TBC1D30: variants seen among roughly 807,000 people sequenced by gnomAD.
The protein encoded by TBC1D30 is TBC1 domain family, member 30.
TBC1D30 carries 31 observed loss-of-function variants against 63.2 expected under a neutral mutation model. That is an observed-to-expected ratio of 0.49 (90% CI 0.37 to 0.66). The LOEUF is 0.66. Among genes scored for constraint, TBC1D30 ranks in the 30% least tolerant of loss-of-function variants. The pLI, the probability that TBC1D30 is intolerant of heterozygous loss-of-function variation, is 0.00. For missense variants in TBC1D30, 810 were observed against 953.6 expected (o/e 0.85, Z 1.98); for synonymous variants, 307 against 361.5 (o/e 0.85, Z 1.71).
At chr12:64,781,149 G>A in exon 1 of TBC1D30, 1 of 1,016,262 alleles carries the variant, frequency 9.8e-7, no homozygotes, top group Non-Finnish European at 1.2e-6. Flanking sequence ...CGCCGCGACA[G>A]CCTCGACAGC....
intron 2 of TBC1D30, among the ~76,000 whole-genome samples, chr12:64,813,734 T>C (rs1452719984): frequency 6.6e-6 from 1 of 152,220 alleles, no homozygotes; most frequent in Non-Finnish European, 1.5e-5. Context: ...CATTTGTAAA[T>C]ACATCTGCTA....
chr12:64,781,224 TGCTGCAGGA>T (rs764172043), exon 1 of TBC1D30: 7 of 1,132,874 alleles, frequency 6.2e-6, no homozygotes, highest in African/African-American at 5.1e-5. Context: ...GACTCCCGCG[TGCTGCAGGA>T]GCTGCAGGAG....
At chr12:64,793,184 TA>T in intron 2 of TBC1D30, among the ~76,000 whole-genome samples, 1 of 151,438 alleles carries the variant, frequency 6.6e-6, no homozygotes, top group South Asian at 2.1e-4. Flanking sequence ...CTAAAAAAAA[TA>T]AACAAAAATT....
chr12:64,781,165 C>T (rs1165012726), exon 1 of TBC1D30: 24 of 1,033,572 alleles, frequency 2.3e-5, no homozygotes, highest in Non-Finnish European at 2.7e-5. Context: ...ACAGCTCCAC[C>T]GAGGCCTCGG....
chr12:64,796,792 G>A (rs544435790), intron 2 of TBC1D30, among the ~76,000 whole-genome samples: 399 of 152,134 alleles, frequency 2.6e-3, no homozygotes, highest in African/African-American at 8.9e-3. Flanking sequence ...TGGGAATATG[G>A]TAACAAGCAA....
chr12:64,828,524 T>C lies in TBC1D30; in HGVS notation c.282+15T>C, dbSNP rs1048606590. 2.6e-5 allele frequency: 40 copies of C among 1,518,854 alleles called. No individual in the cohort carries two copies. Among genetic ancestry groups the C allele is most frequent in the Non-Finnish European group, 3.0e-5 (34 of 1,131,676 alleles). The allele number at this position is 1,518,854 out of a possible 1,614,324, so 94.1% of individuals were successfully genotyped here. A position where few individuals can be genotyped will look rare whatever the true frequency, so the allele number is the denominator to read the frequency against. On this transcript the variant is annotated intron_variant, in intron 3 of 11. Coordinates refer to ENST00000539867, the MANE Select transcript of TBC1D30 (RefSeq NM_015279.2). The stretch of plus-strand genomic sequence containing the variant: ...GGAGGAGAAAGGTAAGGAGGACTCA[T>C]AGGGCTAGAATACAGAAGGATCATC...
At position 64,830,390 on chromosome 12, in the gene TBC1D30, T is replaced by G; in HGVS notation, c.296T>G (p.Leu99Trp). Residue 99 changes from leucine to tryptophan, a missense_variant, in exon 4 of 12, where the codon TTG becomes TGG. Leu to Trp is a moderately conservative substitution (Grantham distance 61, BLOSUM62 -2). Around this residue, in one of 4 missense-constraint regions of TBC1D30, gnomAD observed 272 missense variants for 335.9 expected, o/e 0.81. Transcript: ENST00000539867. ...GTAATATTTTAGGTTTGGTTGACCTTGGCAGATCATTATTTGCACAGTATA... is the reference window on the plus strand; with the variant it reads ...GTAATATTTTAGGTTTGGTTGACCTGGGCAGATCATTATTTGCACAGTATA... Reference protein sequence around the residue: ...KEWRRKVWLTLADHYLHSIAI... With the variant: ...KEWRRKVWLTWADHYLHSIAI... 6.5e-7 allele frequency: 1 copy of G among 1,531,290 alleles called. No individual in the cohort carries two copies. The highest frequency in any genetic ancestry group is 8.7e-7 in the Non-Finnish European group (1 of 1,143,304). The allele number at this position is 1,531,290 out of a possible 1,614,324, so 94.9% of individuals were successfully genotyped here.
chr12:64,867,150 A>AAAC (rs1169868200), intron 10 of TBC1D30, among the ~76,000 whole-genome samples: 2 of 152,070 alleles, frequency 1.3e-5, no homozygotes, highest in Non-Finnish European at 2.9e-5. Flanking sequence ...AGTCTCTACC[A>AAAC]AACAACAACA....
intron 7 of TBC1D30, among the ~76,000 whole-genome samples, chr12:64,841,154 G>C (rs116849972): frequency 6.6e-6 from 1 of 152,072 alleles, no homozygotes; most frequent in Non-Finnish European, 1.5e-5. Context: ...ACTTCCTGTT[G>C]GAAAAACCAT....
At chr12:64,769,214 T>C (rs1380260528) in intron 1 of TBC1D30, among the ~76,000 whole-genome samples, 1 of 151,968 alleles carries the variant, frequency 6.6e-6, no homozygotes, top group Non-Finnish European at 1.5e-5. Context: ...CTGTAGATTT[T>C]TTTTTTTTTG....
At chr12:64,791,636 C>T (rs560681254) in intron 2 of TBC1D30, among the ~76,000 whole-genome samples, 4 of 151,790 alleles carry the variant, frequency 2.6e-5, no homozygotes, top group African/African-American at 4.8e-5. Context: ...CACGGCCTCC[C>T]GAGTAGTTGG....
chr12:64,779,510 C>G (rs950827219), upstream of TBC1D30, among the ~76,000 whole-genome samples: 1 of 151,888 alleles, frequency 6.6e-6, no homozygotes, highest in East Asian at 1.9e-4. Flanking sequence ...CAAAAAGGGC[C>G]CTTTTATTGC....
intron 5 of TBC1D30, among the ~76,000 whole-genome samples, chr12:64,833,581 T>C (rs1190194673): frequency 1.3e-5 from 2 of 152,208 alleles, no homozygotes; most frequent in East Asian, 3.8e-4. Context: ...AATACCTTAT[T>C]GATACTGTCA....
chr12:64,830,732 A>G (rs1270322341), intron 4 of TBC1D30, among the ~76,000 whole-genome samples: 1 of 152,260 alleles, frequency 6.6e-6, no homozygotes, highest in Non-Finnish European at 1.5e-5. Context: ...GCTTTCATTC[A>G]CATTCAACTT....
At chr12:64,762,851 A>G (rs1344686020) in intron 1 of TBC1D30, among the ~76,000 whole-genome samples, 1 of 152,196 alleles carries the variant, frequency 6.6e-6, no homozygotes, top group African/African-American at 2.4e-5. Context: ...ATAATTCAGA[A>G]AAATTATTTT....
intron 2 of TBC1D30, among the ~76,000 whole-genome samples, chr12:64,811,781 G>A (rs1210239327): frequency 6.6e-6 from 1 of 152,150 alleles, no homozygotes; most frequent in East Asian, 1.9e-4. Context: ...TACCTTGTTT[G>A]TACTAGTAGT....
chr12:64,847,336 TTTTCA>T (rs1258071076), intron 8 of TBC1D30, among the ~76,000 whole-genome samples: 1 of 151,824 alleles, frequency 6.6e-6, no homozygotes, highest in Non-Finnish European at 1.5e-5. Context: ...AAAAACCAAC[TTTTCA>T]TTTCTTTAAT....
intron 2 of TBC1D30, among the ~76,000 whole-genome samples, chr12:64,807,218 C>G (rs1388926737): frequency 6.6e-6 from 1 of 152,158 alleles, no homozygotes; most frequent in Non-Finnish European, 1.5e-5. Context: ...GGTTTTTCCC[C>G]TTTTGCTTGG....
intron 2 of TBC1D30, among the ~76,000 whole-genome samples, chr12:64,788,715 G>T (rs1266115140): frequency 6.6e-6 from 1 of 152,134 alleles, no homozygotes; most frequent in Non-Finnish European, 1.5e-5. Context: ...TCCAGCCAGG[G>T]TTTTGCATTT....
Sources: allele counts gnomAD v4.1 joint callset (sites outside exome capture counted in the v4.1 genomes callset), GRCh38; gene constraint gnomAD v4.1.1; regional missense constraint gnomAD v4.1.1; transcripts MANE v1.5; gene names NCBI Gene and HGNC (gene_info 2026-07-23, HGNC 2026-07-21).